The following SLC17A5 variants were observed in gnomAD, a reference collection of about 807,000 sequenced individuals.
SLC17A5 encodes the protein sialin.
A neutral mutation model predicts 59.4 loss-of-function variants in SLC17A5; 47 were observed. That is an observed-to-expected ratio of 0.79 (90% CI 0.63 to 1.01). SLC17A5 has a LOEUF of 1.01. SLC17A5 is among the 50% of genes least tolerant of loss of function. SLC17A5 has a pLI of 0.00. For synonymous variants in SLC17A5, 202 were observed against 210.7 expected, an observed-to-expected ratio of 0.96 and a Z score of 0.36; for missense variants, 522 against 595.5, an observed-to-expected ratio of 0.88 and a Z score of 1.28.
intron 1 of SLC17A5, among the ~76,000 whole-genome samples, chr6:73,650,545 A>ATTTT (rs1769812974): frequency 6.6e-6 from 1 of 151,282 alleles, no homozygotes; most frequent in African/African-American, 2.4e-5. Context: ...AAAGAAAAAA[A>ATTTT]TTAGCCAGGT....
At chr6:73,631,511 C>G (rs1003714172) in intron 6 of SLC17A5, among the ~76,000 whole-genome samples, 1 of 151,830 alleles carries the variant, frequency 6.6e-6, no homozygotes, top group Non-Finnish European at 1.5e-5. Flanking sequence ...CAAGTCTAAA[C>G]TGCAACAAGT....
At chr6:73,616,479 C>G (rs478301) in intron 7 of SLC17A5, among the ~76,000 whole-genome samples, 57,245 of 150,822 alleles carry the variant, frequency 0.38, 11,947 homozygotes, top group African/African-American at 0.56. Flanking sequence ...TACAATTTAT[C>G]TATTTCTTAA....
intron 9 of SLC17A5, among the ~76,000 whole-genome samples, chr6:73,608,043 T>C (rs928568587): frequency 5.9e-5 from 9 of 152,030 alleles, no homozygotes; most frequent in Non-Finnish European, 1.3e-4. Flanking sequence ...TCCCAAAGTG[T>C]TGGGATTACA....
At chr6:73,607,630 G>A (rs1456892203) in intron 9 of SLC17A5, among the ~76,000 whole-genome samples, 4 of 152,046 alleles carry the variant, frequency 2.6e-5, no homozygotes, top group Non-Finnish European at 1.5e-5. Flanking sequence ...AGAGAGCAGG[G>A]GGGGCCCTCA....
intron 9 of SLC17A5, among the ~76,000 whole-genome samples, chr6:73,608,321 C>A (rs552511039): frequency 4.9e-4 from 74 of 152,218 alleles, no homozygotes; most frequent in Non-Finnish European, 6.3e-4. Flanking sequence ...AAGCCCAGGA[C>A]TTATTTCCAT....
chr6:73,600,309 G>T (rs1766997342), intron 10 of SLC17A5, 42 bp downstream of exon 10: 3 of 1,400,016 alleles, frequency 2.1e-6, no homozygotes, highest in Non-Finnish European at 3.0e-6. Context: ...CAGATGTGCA[G>T]CTCCAAAACC....
intron 9 of SLC17A5, among the ~76,000 whole-genome samples, chr6:73,609,438 A>C (rs568912112): frequency 2.0e-5 from 3 of 152,238 alleles, no homozygotes; most frequent in Non-Finnish European, 4.4e-5. Context: ...TACTTACTTC[A>C]AAGGAATGCT....
chr6:73,610,675 C>A, intron 8 of SLC17A5, 128 bp from the exon 9 acceptor site: 1 of 939,374 alleles, frequency 1.1e-6, no homozygotes, highest in Non-Finnish European at 1.6e-6. Flanking sequence ...GCCTGGAAGA[C>A]TAACAAATTT....
At chr6:73,630,899 A>G (rs1768673653) in intron 6 of SLC17A5, among the ~76,000 whole-genome samples, 1 of 149,238 alleles carries the variant, frequency 6.7e-6, no homozygotes, top group South Asian at 2.1e-4. Flanking sequence ...ATACAAAATT[A>G]GCTGGGTGTG....
intron 7 of SLC17A5, among the ~76,000 whole-genome samples, chr6:73,616,085 C>T (rs482029): frequency 0.049 from 7,431 of 151,924 alleles, 427 homozygotes; most frequent in East Asian, 0.14. Context: ...GGAGTTTCAC[C>T]GTCTTGGCCA....
intron 4 of SLC17A5, among the ~76,000 whole-genome samples, chr6:73,637,778 C>G (rs1193033514): frequency 1.3e-5 from 2 of 152,078 alleles, no homozygotes; most frequent in African/African-American, 4.8e-5. Context: ...GAGGCCTTTT[C>G]TCAACTACTG....
intron 2 of SLC17A5, among the ~76,000 whole-genome samples, chr6:73,643,892 A>G (rs1166117118): frequency 6.6e-6 from 1 of 152,202 alleles, no homozygotes; most frequent in Non-Finnish European, 1.5e-5. Flanking sequence ...ATGAATACAC[A>G]TTTATTAATA....
Position 73,641,791 on chromosome 6 carries a change from C to A in SLC17A5, c.425G>T (p.Gly142Val). Residue 142 changes from glycine to valine, a missense_variant, in exon 3 of 11, where the codon GGG becomes GTG. Physicochemically the swap from Gly to Val is moderately radical, Grantham distance 109. Transcript: ENST00000355773. Reference sequence around the variant, plus strand: ...GGTGAGGACAGCAGTGCCAAGGATCCCAAATCCTAGCAGCATTTTCCCCCC... The same window carrying A: ...GGTGAGGACAGCAGTGCCAAGGATCACAAATCCTAGCAGCATTTTCCCCCC... The part of the protein sequence containing the change: ...KIGGKMLLGF[G>V]ILGTAVLTLF... The A allele has an allele frequency of 1.2e-6, 2 of 1,614,114 alleles. No homozygotes were observed. Among genetic ancestry groups the A allele is most frequent in the South Asian group, 1.1e-5 (1 of 91,074 alleles).
chr6:73,645,974 A>G (rs1769541454), intron 1 of SLC17A5, among the ~76,000 whole-genome samples: 1 of 152,108 alleles, frequency 6.6e-6, no homozygotes, highest in Non-Finnish European at 1.5e-5. Context: ...CTGACTAAGG[A>G]TAATCAACCT....
Position 73,621,970 on chromosome 6 carries a change from A to T in SLC17A5, c.820-8T>A, listed in dbSNP as rs963486778. On this transcript the variant is annotated splice_polypyrimidine_tract_variant and splice_region_variant and intron_variant, in intron 6 of 10. Transcript: ENST00000355773. ...TGACTTCTGTGAAGAAAGCTGAAGA[A>T]AACAGGAATAATTAGGATAAACTAC... is the stretch of plus-strand genomic sequence containing the variant. The T allele has an allele frequency of 3.1e-6, 5 of 1,613,564 alleles. No homozygotes were observed. The African/African-American group carries it at 4.0e-5, about 13-fold the overall frequency.
rs1394836868 is a variant in SLC17A5, at chr6:73,600,444, G to A, written c.1260-3C>T. The A allele has an allele frequency of 6.2e-7, 1 of 1,605,416 alleles. No individual in the cohort carries two copies. Among genetic ancestry groups the A allele is most frequent in the Middle Eastern group, 1.7e-4 (1 of 6,044 alleles). Reference sequence around the variant, plus strand: ...TGCCCAGGAGGATACCAGCATACCTGTAGAAACATTTTCATAGACGTTTAT... The same window carrying A: ...TGCCCAGGAGGATACCAGCATACCTATAGAAACATTTTCATAGACGTTTAT... On this transcript the variant is annotated splice_region_variant and splice_polypyrimidine_tract_variant and intron_variant, in intron 9 of 10. Transcript: ENST00000355773.
intron 6 of SLC17A5, 90 bp from the exon 7 acceptor site, chr6:73,622,052 T>C (rs999517918): frequency 7.8e-7 from 1 of 1,290,164 alleles, no homozygotes; most frequent in Non-Finnish European, 1.1e-6. Context: ...CCAGAATTCA[T>C]ACAGAATATC....
chr6:73,625,341 C>G (rs1428624285), intron 6 of SLC17A5, among the ~76,000 whole-genome samples: 1 of 150,652 alleles, frequency 6.6e-6, no homozygotes, highest in Admixed American at 6.9e-5. Context: ...CACCCGCCAC[C>G]ACCCCTGGCT....
intron 1 of SLC17A5, 85 bp downstream of exon 1, chr6:73,653,708 C>T: frequency 1.5e-6 from 2 of 1,342,072 alleles, no homozygotes; most frequent in South Asian, 1.3e-5. Context: ...GCGCAGGGTG[C>T]GGGTACCCGG....
Sources: allele counts gnomAD v4.1 joint callset (sites outside exome capture counted in the v4.1 genomes callset), GRCh38; gene constraint gnomAD v4.1.1; transcripts MANE v1.5; gene names NCBI Gene and HGNC (gene_info 2026-07-23, HGNC 2026-07-21).